OXR1: variants seen among roughly 807,000 people sequenced by gnomAD.
The protein encoded by OXR1 is oxidation resistance 1.
A neutral mutation model predicts 104.6 loss-of-function variants in OXR1; 41 were observed. The observed-to-expected ratio is 0.39, with a 90% confidence interval of 0.31 to 0.51. OXR1 has a LOEUF of 0.51. OXR1 is among the 20% of genes least tolerant of loss of function. The pLI, the probability that OXR1 is intolerant of heterozygous loss-of-function variation, is 0.77. For synonymous variants in OXR1, 348 were observed against 348.4 expected (o/e 1.00, Z 0.01); for missense variants, 955 against 1,031.9 (o/e 0.93, Z 1.02).
intron 3 of OXR1, among the ~76,000 whole-genome samples, chr8:106,659,955 G>T (rs969657025): frequency 6.6e-6 from 1 of 152,184 alleles, no homozygotes; most frequent in South Asian, 2.1e-4. Context: ...TAGTCATGGT[G>T]CCCCCAAATC....
intron 3 of OXR1, among the ~76,000 whole-genome samples, chr8:106,582,465 T>C (rs986837424): frequency 6.6e-6 from 1 of 151,948 alleles, no homozygotes. Flanking sequence ...TAAAACAGAA[T>C]TGTGCCTGCC....
chr8:106,279,822 A>T (rs182119369), intron 1 of OXR1, among the ~76,000 whole-genome samples: 1 of 152,342 alleles, frequency 6.6e-6, no homozygotes, highest in East Asian at 1.9e-4. Context: ...TATTCTATTC[A>T]GATTAAGCAG....
intron 3 of OXR1, among the ~76,000 whole-genome samples, chr8:106,525,506 T>A (rs1813595956): frequency 6.6e-6 from 1 of 152,254 alleles, no homozygotes; most frequent in South Asian, 2.1e-4. Context: ...TTGGAATACC[T>A]GGTGTAGCAA....
intron 1 of OXR1, among the ~76,000 whole-genome samples, chr8:106,353,703 A>G (rs1479467006): frequency 6.6e-6 from 1 of 152,166 alleles, no homozygotes; most frequent in Non-Finnish European, 1.5e-5. Flanking sequence ...GCTAATGAAC[A>G]TGTCCATTAC....
intron 2 of OXR1, among the ~76,000 whole-genome samples, chr8:106,407,585 C>T (rs988853420): frequency 3.9e-5 from 6 of 152,188 alleles, no homozygotes; most frequent in African/African-American, 1.2e-4. Context: ...AAGAGTTAAA[C>T]AGTTTCCCCA....
chr8:106,648,284 T>C (rs753894792), intron 3 of OXR1, among the ~76,000 whole-genome samples: 5 of 152,112 alleles, frequency 3.3e-5, no homozygotes, highest in South Asian at 4.1e-4. Flanking sequence ...ATTGAGAAGA[T>C]TGAACATTAA....
chr8:106,745,850 T>C lies in OXR1; in HGVS notation c.2474T>C (p.Phe825Ser). ...FIKGDMDSLA[F>S]GGGGGEFALW... is the part of the protein sequence containing the mutation. Reference sequence around the variant, plus strand: ...AAAGGAGACATGGATTCACTAGCTTTCGGTGGTGGAGGGTAAGTCTCTTGA... The same window carrying C: ...AAAGGAGACATGGATTCACTAGCTTCCGGTGGTGGAGGGTAAGTCTCTTGA... Residue 825 changes from phenylalanine to serine, a missense_variant, in exon 16 of 17, where the codon TTC becomes TCC. Transcript: ENST00000517566. 1.3e-6 allele frequency: 2 copies of C among 1,581,416 alleles called. No individual in the cohort carries two copies. The highest frequency in any genetic ancestry group is 1.7e-6 in the Non-Finnish European group (2 of 1,151,314).
At chr8:106,586,784 A>G (rs1311133814) in intron 3 of OXR1, among the ~76,000 whole-genome samples, 1 of 152,172 alleles carries the variant, frequency 6.6e-6, no homozygotes, top group Admixed American at 6.5e-5. Context: ...TGAGGAAAGC[A>G]GGTGGGAAGA....
chr8:106,517,033 A>G (rs1429146687), intron 2 of OXR1, among the ~76,000 whole-genome samples: 1 of 152,170 alleles, frequency 6.6e-6, no homozygotes, highest in Non-Finnish European at 1.5e-5. Flanking sequence ...GTAAAAGTCA[A>G]TTTCTCATGA....
chr8:106,601,246 C>T (rs1175962354), intron 3 of OXR1, among the ~76,000 whole-genome samples: 1 of 152,154 alleles, frequency 6.6e-6, no homozygotes, highest in Non-Finnish European at 1.5e-5. Flanking sequence ...AGAGACAAGT[C>T]TGGTGTAGGA....
chr8:106,694,954 A>T lies in OXR1; in HGVS notation c.675+2077A>T, dbSNP rs897423812. On this transcript the variant is annotated intron_variant, in intron 7 of 16. Transcript: ENST00000517566. The stretch of plus-strand genomic sequence containing the variant: ...ATATATATATAAATATAAAATATTT[A>T]TATATATTTACATGTATATTATAAT... Among the ~76,000 whole-genome samples the T allele has an allele frequency of 4.3e-4, 61 of 140,624 alleles. 2 individuals are homozygous for T. Among genetic ancestry groups the T allele is most frequent in the Non-Finnish European group, 7.6e-5 (5 of 65,902 alleles). The allele number at this position is 140,624 out of a possible 152,430, so 92.3% of individuals were successfully genotyped here.
chr8:106,495,204 A>G lies in OXR1; in HGVS notation c.24-23739A>G, dbSNP rs1222207117. Among the ~76,000 whole-genome samples the G allele has an allele frequency of 2.6e-5, 4 of 152,008 alleles. No homozygotes were observed. In the East Asian group the frequency reaches 7.7e-4, roughly 29 times the overall value. On this transcript the variant is annotated intron_variant, in intron 2 of 16. Transcript: ENST00000517566. ...TTTACATAATCCACATAACATTTTG[A>G]GGAATCTATTATCAACCACAGTTTG...
chr8:106,448,728 A>G (rs976603164), intron 2 of OXR1, among the ~76,000 whole-genome samples: 1 of 152,314 alleles, frequency 6.6e-6, no homozygotes, highest in East Asian at 1.9e-4. Context: ...TGCCCTTGGT[A>G]GATGACCAGG....
chr8:106,462,120 ATGTC>A (rs1820947393), intron 2 of OXR1, among the ~76,000 whole-genome samples: 1 of 152,108 alleles, frequency 6.6e-6, no homozygotes, highest in African/African-American at 2.4e-5. Flanking sequence ...TCTGTTTTGT[ATGTC>A]TTACATTAAA....
intron 2 of OXR1, among the ~76,000 whole-genome samples, chr8:106,365,182 T>G (rs1413955515): frequency 6.6e-6 from 1 of 152,130 alleles, no homozygotes; most frequent in African/African-American, 2.4e-5. Context: ...CTAATTTTTT[T>G]TTAAAAGGAG....
chr8:106,363,750 A>G (rs925727236), intron 2 of OXR1, among the ~76,000 whole-genome samples: 5 of 152,044 alleles, frequency 3.3e-5, no homozygotes, highest in African/African-American at 9.7e-5. Flanking sequence ...GATAGCTTCC[A>G]CTTTTCTTTT....
At chr8:106,602,835 C>G (rs1350171534) in intron 3 of OXR1, among the ~76,000 whole-genome samples, 1 of 151,974 alleles carries the variant, frequency 6.6e-6, no homozygotes, top group Admixed American at 6.6e-5. Context: ...TGTGCAGTCC[C>G]TTATTCCTCT....
chr8:106,390,716 A>C (rs1047183017), intron 2 of OXR1, among the ~76,000 whole-genome samples: 1 of 152,226 alleles, frequency 6.6e-6, no homozygotes, highest in Non-Finnish European at 1.5e-5. Flanking sequence ...GTTACTGAAA[A>C]ACAGATGTTA....
At chr8:106,607,878 T>A (rs1820523549) in intron 3 of OXR1, among the ~76,000 whole-genome samples, 1 of 152,014 alleles carries the variant, frequency 6.6e-6, no homozygotes, top group African/African-American at 2.4e-5. Context: ...CAGCCAAACC[T>A]ACACAGTATG....
Sources: allele counts gnomAD v4.1 joint callset (sites outside exome capture counted in the v4.1 genomes callset), GRCh38; gene constraint gnomAD v4.1.1; transcripts MANE v1.5; gene names NCBI Gene and HGNC (gene_info 2026-07-23, HGNC 2026-07-21).